Variants in CYLD observed in about 807,000 individuals in gnomAD.
CYLD encodes the protein CYLD lysine 63 deubiquitinase.
A neutral mutation model predicts 104.5 loss-of-function variants in CYLD; 26 were observed. That is an observed-to-expected ratio of 0.25 (90% CI 0.18 to 0.35). The LOEUF (loss-of-function observed/expected upper bound fraction) is 0.35, where lower values mean the gene tolerates loss of function less well. Among genes scored for constraint, CYLD ranks in the 10% least tolerant of loss-of-function variants. CYLD has a pLI of 1.00. For synonymous variants in CYLD, 385 were observed against 399.9 expected (o/e 0.96, Z 0.45); for missense variants, 703 against 1,136.1 (o/e 0.62, Z 5.48).
intron 5 of CYLD, among the ~76,000 whole-genome samples, chr16:50,764,466 A>C (rs1968277111): frequency 6.6e-6 from 1 of 152,100 alleles, no homozygotes; most frequent in South Asian, 2.1e-4. Flanking sequence ...TTTCTGTTCA[A>C]CCTCAGCAGC....
chr16:50,765,874 G>C (rs1338485792), intron 5 of CYLD, among the ~76,000 whole-genome samples: 1 of 152,138 alleles, frequency 6.6e-6, no homozygotes, highest in African/African-American at 2.4e-5. Flanking sequence ...AGGTAAGAAA[G>C]CTGCAGAAGA....
chr16:50,780,094 G>A (rs1406654554), intron 9 of CYLD, 50 bp downstream of exon 9: 2 of 1,606,128 alleles, frequency 1.2e-6, no homozygotes, highest in Non-Finnish European at 8.5e-7. Context: ...GTGAGGTTTT[G>A]TGCAGATTTC....
chr16:50,778,841 T>G (rs1481383397), intron 8 of CYLD, among the ~76,000 whole-genome samples: 1 of 151,264 alleles, frequency 6.6e-6, no homozygotes, highest in Non-Finnish European at 1.5e-5. Flanking sequence ...GTAGGATTCC[T>G]GTTTAATTTT....
intron 6 of CYLD, 25 bp downstream of exon 6, chr16:50,775,199 G>C: frequency 6.3e-7 from 1 of 1,588,210 alleles, no homozygotes; most frequent in Non-Finnish European, 8.5e-7. Flanking sequence ...TGTCGTGTTG[G>C]ACTCCACGGA....
chr16:50,796,359 C>G lies in CYLD; in HGVS notation c.2722C>G (p.Pro908Ala), dbSNP rs2151047502. ...QNGFNIPQVT[P>A]CPEVGEYLKM... is the part of the protein sequence containing the mutation. ...TGGCTTCAACATTCCTCAAGTCACC[C>G]CATGCCCAGAAGTAGGAGAGTACTT... The change falls in exon 19 of 19, where the codon CCA (proline) becomes GCA (alanine). Residue 908 changes from proline to alanine, a missense_variant. Physicochemically the swap from Pro to Ala is conservative, Grantham distance 27. Coordinates refer to ENST00000427738, the MANE Select transcript of CYLD (RefSeq NM_001378743.1). 6.2e-7 allele frequency: 1 copy of G among 1,614,122 alleles called. No homozygotes were observed. The highest frequency in any genetic ancestry group is 8.5e-7 in the Non-Finnish European group (1 of 1,180,014).
chr16:50,790,412 T>C (rs899031060), intron 14 of CYLD, among the ~76,000 whole-genome samples: 2 of 152,208 alleles, frequency 1.3e-5, no homozygotes, highest in Admixed American at 6.5e-5. Flanking sequence ...TACAACTACT[T>C]ACCTCTACTA....
chr16:50,775,819 T>C (rs1156927633), intron 6 of CYLD, among the ~76,000 whole-genome samples: 1 of 152,234 alleles, frequency 6.6e-6, no homozygotes, highest in Admixed American at 6.5e-5. Flanking sequence ...AGGGGTGTTC[T>C]AAGCCTGCTG....
chr16:50,792,347 T>C (rs1971513495), intron 15 of CYLD, among the ~76,000 whole-genome samples: 1 of 152,218 alleles, frequency 6.6e-6, no homozygotes, highest in South Asian at 2.1e-4. Flanking sequence ...ATGATTTTAT[T>C]TGAGACTCAA....
chr16:50,750,254 C>G, intron 3 of CYLD, 52 bp downstream of exon 3: 1 of 1,592,356 alleles, frequency 6.3e-7, no homozygotes, highest in South Asian at 1.1e-5. Context: ...TCATGTGTGT[C>G]TGTGTATTTG....
At chr16:50,790,329 C>A (rs980946130) in intron 14 of CYLD, among the ~76,000 whole-genome samples, 20 of 152,166 alleles carry the variant, frequency 1.3e-4, no homozygotes, top group Non-Finnish European at 2.9e-5. Flanking sequence ...TTTCTGCCTT[C>A]TTTCCCTCAG....
chr16:50,780,130 C>T (rs376321461), intron 9 of CYLD, 86 bp downstream of exon 9: 18 of 1,474,068 alleles, frequency 1.2e-5, no homozygotes, highest in East Asian at 4.5e-5. Context: ...TTTTGACAAA[C>T]TGTTATATTT....
chr16:50,749,545 C>A, intron 2 of CYLD, 31 bp from the exon 3 acceptor site: 1 of 721,462 alleles, frequency 1.4e-6, no homozygotes, highest in Non-Finnish European at 2.2e-6. Context: ...TGCTTTTTCA[C>A]TAGGCATTTT....
intron 10 of CYLD, among the ~76,000 whole-genome samples, chr16:50,781,672 G>A (rs1021229957): frequency 3.9e-5 from 6 of 151,978 alleles, no homozygotes; most frequent in African/African-American, 9.7e-5. Context: ...GTTGATGACA[G>A]ACATTTAGTT....
chr16:50,742,422 C>T (rs562989227), intron 1 of CYLD: 2,765 of 192,558 alleles, frequency 0.014, 36 homozygotes, highest in Non-Finnish European at 0.02. Context: ...ACCGGGGCTT[C>T]CCCATCCCCC....
At position 50,792,640 on chromosome 16, in the gene CYLD, A is replaced by C; in HGVS notation, c.2285A>C (p.Asp762Ala). The part of the protein sequence containing the change: ...LIIQMPRFGK[D>A]FKLFKKIFPS... ...ATTCAGATGCCTCGATTTGGAAAAG[A>C]CTTTAAACTATTTAAAAAAATTTTT... is the stretch of plus-strand genomic sequence containing the variant. The change falls in exon 16 of 19, where the codon GAC becomes GCC. Residue 762 changes from aspartate (D) to alanine (A), a missense_variant. Asp to Ala is a moderately radical substitution (Grantham distance 126). This residue lies in a region of CYLD where 125 missense variants were observed against 325.4 expected (regional missense o/e 0.38). Transcript: ENST00000427738. 1 of 1,604,158 alleles carries C rather than the reference A, an allele frequency of 6.2e-7. No homozygotes were observed. Among genetic ancestry groups the C allele is most frequent in the Admixed American group, 1.7e-5 (1 of 59,776 alleles).
chr16:50,766,163 CTT>C (rs1398428034), intron 5 of CYLD, among the ~76,000 whole-genome samples: 2 of 152,188 alleles, frequency 1.3e-5, no homozygotes, highest in Non-Finnish European at 2.9e-5. Flanking sequence ...TAGGCTGACT[CTT>C]TTGTTAGGGG....
chr16:50,789,407 G>A (rs954445205), intron 14 of CYLD, among the ~76,000 whole-genome samples: 6 of 152,164 alleles, frequency 3.9e-5, no homozygotes, highest in South Asian at 4.1e-4. Flanking sequence ...CACACTTATG[G>A]AATGTAATAC....
chr16:50,754,214 C>T (rs1596979837), intron 4 of CYLD, 105 bp from the exon 5 acceptor site: 11 of 776,828 alleles, frequency 1.4e-5, no homozygotes, highest in East Asian at 1.3e-4. Context: ...AAATTGTTAA[C>T]ATTTACCAAT....
Position 50,791,754 on chromosome 16 carries a change from G to T in CYLD, c.2241+64G>T, listed in dbSNP as rs949261312. Reference sequence around the variant, plus strand: ...TGTGGGAGTCTTAAGACTATTGGTAGTTTCAGTATCTATTGATTTTAACTA... The same window carrying T: ...TGTGGGAGTCTTAAGACTATTGGTATTTTCAGTATCTATTGATTTTAACTA... On this transcript the variant is annotated intron_variant, in intron 15 of 18. Transcript: ENST00000427738. The T allele has an allele frequency of 5.8e-6, 9 of 1,548,166 alleles. No homozygotes were observed. The African/African-American group carries it at 1.2e-4, about 21-fold the overall frequency.
Sources: allele counts gnomAD v4.1 joint callset (sites outside exome capture counted in the v4.1 genomes callset), GRCh38; gene constraint gnomAD v4.1.1; regional missense constraint gnomAD v4.1.1; transcripts MANE v1.5; gene names NCBI Gene and HGNC (gene_info 2026-07-23, HGNC 2026-07-21).